NTM: variants seen among roughly 807,000 people sequenced by gnomAD.
The protein encoded by NTM is IgLON family member 2.
NTM carries 13 observed loss-of-function variants against 42.1 expected under a neutral mutation model. The ratio of observed to expected loss-of-function variants is 0.31; its 90% CI spans 0.20 to 0.49. The LOEUF is 0.49. NTM is among the 20% of genes least tolerant of loss of function. The pLI is 0.99. For missense variants in NTM, 373 were observed against 452.8 expected, an observed-to-expected ratio of 0.82 and a Z score of 1.60; for synonymous variants, 187 against 179.2, an observed-to-expected ratio of 1.04 and a Z score of -0.35.
chr11:132,134,707 A>G (rs7479381), intron 2 of NTM, among the ~76,000 whole-genome samples: 14,597 of 19,948 alleles, frequency 0.73, 4,808 homozygotes, highest in Non-Finnish European at 0.76. Context: ...ATTCCATGGT[A>G]TATATATATA....
At chr11:131,874,135 G>A (rs2048260232) in intron 1 of NTM, among the ~76,000 whole-genome samples, 1 of 142,068 alleles carries the variant, frequency 7.0e-6, no homozygotes, top group African/African-American at 2.6e-5. Context: ...AAAAATAAAG[G>A]CCTTCTTGGT....
chr11:131,913,624 TC>T, intron 2 of NTM, among the ~76,000 whole-genome samples: 1 of 152,170 alleles, frequency 6.6e-6, no homozygotes, highest in East Asian at 1.9e-4. Context: ...ATTCTGCCGG[TC>T]CCCCTCTCTC....
At chr11:131,774,102 C>A in intron 1 of NTM, 1 of 985,298 alleles carries the variant, frequency 1.0e-6, no homozygotes, top group Non-Finnish European at 1.2e-6. Flanking sequence ...AAACCTTCCA[C>A]CAAGCTTACA....
intron 1 of NTM, among the ~76,000 whole-genome samples, chr11:131,863,490 C>G (rs2046848484): frequency 6.6e-6 from 1 of 152,214 alleles, no homozygotes; most frequent in South Asian, 2.1e-4. Flanking sequence ...CTCCAAGTCA[C>G]TCAGCCACTC....
At chr11:132,067,557 A>G (rs886151487) in intron 2 of NTM, among the ~76,000 whole-genome samples, 2 of 152,222 alleles carry the variant, frequency 1.3e-5, no homozygotes, top group African/African-American at 2.4e-5. Context: ...ATTTAATGGC[A>G]GAATAAGCAT....
chr11:131,696,240 A>G (rs545744728), intron 1 of NTM, among the ~76,000 whole-genome samples: 1 of 152,158 alleles, frequency 6.6e-6, no homozygotes, highest in Non-Finnish European at 1.5e-5. Flanking sequence ...TGGAAGGATG[A>G]CACAGCACAG....
chr11:132,190,778 C>G (rs371478254), intron 3 of NTM, among the ~76,000 whole-genome samples: 13 of 149,828 alleles, frequency 8.7e-5, no homozygotes, highest in African/African-American at 3.2e-4. Context: ...GATCAGGGAA[C>G]TGAGTGAATT....
chr11:131,770,216 C>T (rs960002333), intron 1 of NTM, among the ~76,000 whole-genome samples: 1 of 152,206 alleles, frequency 6.6e-6, no homozygotes, highest in Non-Finnish European at 1.5e-5. Flanking sequence ...TTGCCTGTCC[C>T]CTGACAGAGG....
At chr11:132,091,123 C>T (rs890179237) in intron 2 of NTM, among the ~76,000 whole-genome samples, 6 of 152,176 alleles carry the variant, frequency 3.9e-5, no homozygotes, top group African/African-American at 1.2e-4. Flanking sequence ...TGGTGAGAAA[C>T]CCTAGCTTAT....
At chr11:131,641,598 G>A (rs1167314997) in intron 1 of NTM, among the ~76,000 whole-genome samples, 4 of 152,186 alleles carry the variant, frequency 2.6e-5, no homozygotes, top group Admixed American at 1.3e-4. Context: ...CCAAGGGGGG[G>A]AAGCTATGGG....
At chr11:132,055,604 G>A (rs573270141) in intron 2 of NTM, among the ~76,000 whole-genome samples, 27 of 151,924 alleles carry the variant, frequency 1.8e-4, no homozygotes, top group Non-Finnish European at 3.1e-4. Context: ...ATCAGGAGAG[G>A]GTATTTCCAA....
At chr11:131,869,875 T>C (rs542221299) in intron 1 of NTM, among the ~76,000 whole-genome samples, 1 of 152,336 alleles carries the variant, frequency 6.6e-6, no homozygotes, top group Admixed American at 6.5e-5. Flanking sequence ...TCACCTTTCC[T>C]ATGCCTTAAG....
At chr11:132,176,685 A>T (rs1208060352) in intron 3 of NTM, among the ~76,000 whole-genome samples, 2 of 140,232 alleles carry the variant, frequency 1.4e-5, no homozygotes, top group Admixed American at 1.4e-4. Flanking sequence ...GAAGGATTTT[A>T]GCCTCTGTGA....
intron 7 of NTM, among the ~76,000 whole-genome samples, chr11:132,315,544 C>T (rs1217424981): frequency 2.0e-5 from 3 of 152,150 alleles, no homozygotes; most frequent in African/African-American, 2.4e-5. Context: ...CTCCCCAATC[C>T]CTCATGTTAA....
At chr11:132,306,701 T>C (rs892833116) in intron 4 of NTM, among the ~76,000 whole-genome samples, 1 of 152,176 alleles carries the variant, frequency 6.6e-6, no homozygotes, top group Non-Finnish European at 1.5e-5. Flanking sequence ...CTTTTAAAGG[T>C]ATCCAGGTTT....
intron 1 of NTM, among the ~76,000 whole-genome samples, chr11:131,661,787 C>G (rs1437120835): frequency 1.3e-5 from 2 of 152,136 alleles, no homozygotes; most frequent in Non-Finnish European, 2.9e-5. Context: ...GAGTTGCCAA[C>G]AATCCACTGA....
At chr11:131,798,223 C>T (rs2091784777) in intron 1 of NTM, among the ~76,000 whole-genome samples, 1 of 152,186 alleles carries the variant, frequency 6.6e-6, no homozygotes, top group Admixed American at 6.5e-5. Flanking sequence ...TGTGTGGGTG[C>T]ATGGGCTGCC....
chr11:132,283,746 A>G (rs2094106029), intron 4 of NTM, among the ~76,000 whole-genome samples: 1 of 152,100 alleles, frequency 6.6e-6, no homozygotes, highest in African/African-American at 2.4e-5. Flanking sequence ...TTTAGCGAAG[A>G]GGGATAGGAG....
intron 1 of NTM, among the ~76,000 whole-genome samples, chr11:131,833,435 C>T (rs1271980994): frequency 1.3e-5 from 2 of 152,282 alleles, no homozygotes; most frequent in East Asian, 3.9e-4. Context: ...CCCTATTTTA[C>T]AGGGAAGAAA....
Sources: gnomAD v4.1 joint callset for allele counts (sites outside exome capture counted in the v4.1 genomes callset) on GRCh38, gnomAD v4.1.1 for gene constraint, MANE v1.5 for transcripts, NCBI Gene and HGNC (gene_info 2026-07-23, HGNC 2026-07-21) for gene names.